The following KLHL21 variants were observed in gnomAD, a reference collection of about 807,000 sequenced individuals.
KLHL21 encodes kelch like family member 21.
In KLHL21, 42 loss-of-function variants were observed where a neutral mutation model predicts 44.1. That is an observed-to-expected ratio of 0.95 (90% CI 0.74 to 1.23). KLHL21 has a LOEUF of 1.23. Among genes scored for constraint, KLHL21 ranks in the 50% most tolerant of loss-of-function variants. KLHL21 has a pLI of 0.00. For missense variants in KLHL21, 918 were observed against 889.1 expected (o/e 1.03, Z -0.41); for synonymous variants, 524 against 411.6 (o/e 1.27, Z -3.31).
At chr1:6,599,649 C>A in intron 1 of KLHL21, 197 bp from the exon 2 acceptor site, 2 of 607,378 alleles carry the variant, frequency 3.3e-6, no homozygotes. Flanking sequence ...CACTGTCCAG[C>A]GAGATGACTG....
rs947025630 is a variant in KLHL21, at chr1:6,601,805, T to C, written c.1013A>G (p.Tyr338Cys). The C allele has an allele frequency of 1.3e-6, 2 of 1,576,616 alleles. No homozygotes were observed. The highest frequency in any genetic ancestry group is 2.4e-5 in the East Asian group (1 of 42,162). The change falls in exon 1 of 4, where the codon TAC (tyrosine) becomes TGC (cysteine). Residue 338 changes from tyrosine to cysteine, a missense_variant. By Grantham distance (194) the Tyr-to-Cys change is radical. Transcript: ENST00000377658. ...YSIVALGNDIYVTGGSDGSRL... is the reference protein window; with the variant it reads ...YSIVALGNDICVTGGSDGSRL... Reference sequence around the variant, plus strand: ...GCCCCTGGCCCACTCACCCGTCACGTAGATGTCATTGCCCAGCGCCACGAT... The same window carrying C: ...GCCCCTGGCCCACTCACCCGTCACGCAGATGTCATTGCCCAGCGCCACGAT...
At chr1:6,599,782 C>CCG in intron 1 of KLHL21, 1 of 289,628 alleles carries the variant, frequency 3.5e-6, no homozygotes, top group Non-Finnish European at 6.5e-6. Context: ...GGCCTTGGGA[C>CCG]AGTTCTCCTG....
Position 6,599,283 on chromosome 1 carries a change from G to A in KLHL21, c.1191C>T (p.His397=), listed in dbSNP as rs1385697274. 6.2e-7 allele frequency: 1 copy of A among 1,614,034 alleles called. No homozygotes were observed. Among genetic ancestry groups the A allele is most frequent in the Non-Finnish European group, 8.5e-7 (1 of 1,180,022 alleles). The change falls in exon 2 of 4, where the codon CAC becomes CAT. Residue 397 remains histidine (H), a synonymous_variant. Coordinates refer to ENST00000377658, the MANE Select transcript of KLHL21 (RefSeq NM_014851.4). The part of the protein sequence containing the change: ...VAADSTERYD[H]TTDSWEALQP... The stretch of plus-strand genomic sequence containing the variant: ...GCAGGGCCTCCCAGGAGTCAGTGGT[G>A]TGGTCATAGCGCTCGGTGCTGTCGG...
intron 1 of KLHL21, 131 bp from the exon 2 acceptor site, chr1:6,599,583 C>A (rs896484721): frequency 2.6e-5 from 25 of 961,428 alleles, no homozygotes; most frequent in Admixed American, 8.6e-5. Context: ...CAGACGCACA[C>A]CCTCTCCCCA....
chr1:6,598,338 G>C (rs539320286), intron 2 of KLHL21, among the ~76,000 whole-genome samples: 32 of 152,322 alleles, frequency 2.1e-4, no homozygotes, highest in African/African-American at 7.2e-4. Flanking sequence ...GGGAGGCTGA[G>C]GCAGCTGGAT....
Position 6,602,661 on chromosome 1 carries a change from C to A in KLHL21, c.157G>T (p.Val53Leu), listed in dbSNP as rs1641052131. The change falls in exon 1 of 4, where the codon GTG (valine) becomes TTG (leucine). Residue 53 changes from valine (V) to leucine (L), a missense_variant. Val to Leu is a conservative substitution (Grantham distance 32). Coordinates refer to ENST00000377658, the MANE Select transcript of KLHL21 (RefSeq NM_014851.4). ...AAGTAGGGGCTGGCGGCGGCCAGCA[C>A]CGCACGGTGCGCCGGGAAGTCGCGC... Reference protein sequence around the residue: ...GGRDFPAHRAVLAAASPYFRA... With the variant: ...GGRDFPAHRALLAAASPYFRA... 2.6e-6 allele frequency: 4 copies of A among 1,512,304 alleles called. No individual in the cohort carries two copies. Among genetic ancestry groups the A allele is most frequent in the Non-Finnish European group, 8.8e-7 (1 of 1,137,970 alleles). 93.7% of individuals were successfully genotyped at this position (1,512,304 alleles called of 1,614,324 possible).
Position 6,601,817 on chromosome 1 carries a change from C to G in KLHL21, c.1001G>C (p.Gly334Ala). The part of the protein sequence containing the change: ...LGGGYSIVAL[G>A]NDIYVTGGSD... ...CTCACCCGTCACGTAGATGTCATTG[C>G]CCAGCGCCACGATGCTGTAGCCTCC... The change falls in exon 1 of 4, where the codon GGC becomes GCC. Residue 334 changes from glycine to alanine, a missense_variant. By Grantham distance (60) the Gly-to-Ala change is moderately conservative. Transcript: ENST00000377658. 1 of 1,582,490 alleles carries G rather than the reference C, an allele frequency of 6.3e-7. No individual in the cohort carries two copies. The highest frequency in any genetic ancestry group is 8.6e-7 in the Non-Finnish European group (1 of 1,164,280).
Position 6,602,085 on chromosome 1 carries a change from C to A in KLHL21, c.733G>T (p.Ala245Ser), listed in dbSNP as rs779185399. 5.5e-5 allele frequency: 82 copies of A among 1,486,334 alleles called. No individual in the cohort carries two copies. Among genetic ancestry groups the A allele is most frequent in the Non-Finnish European group, 7.1e-5 (80 of 1,122,664 alleles). 92.1% of individuals were successfully genotyped at this position (1,486,334 alleles called of 1,614,324 possible). ...LAHVEAEPLVARCPPCLRLLR... is the reference protein window; with the variant it reads ...LAHVEAEPLVSRCPPCLRLLR... ...AGGCGCAGGCAGGGTGGGCAGCGCG[C>A]CACCAGCGGCTCGGCCTCGACGTGC... Residue 245 changes from alanine to serine, a missense_variant, in exon 1 of 4, where the codon GCG becomes TCG. By Grantham distance (99) the Ala-to-Ser change is moderately conservative. Coordinates refer to ENST00000377658, the MANE Select transcript of KLHL21 (RefSeq NM_014851.4).
intron 2 of KLHL21, among the ~76,000 whole-genome samples, chr1:6,596,811 G>A (rs965186238): frequency 6.6e-5 from 10 of 152,218 alleles, no homozygotes; most frequent in African/African-American, 2.4e-4. Context: ...CCCAGCCAAG[G>A]AGGCATTTTG....
chr1:6,595,417 C>G, intron 3 of KLHL21, 68 bp downstream of exon 3: 1 of 1,425,462 alleles, frequency 7.0e-7, no homozygotes, highest in South Asian at 1.2e-5. Context: ...ACACTCATCA[C>G]GATGACACTT....
At position 6,595,589 on chromosome 1, in the gene KLHL21, CAG is replaced by C. The variant is rs1456044585; in HGVS notation, c.1428-34_1428-33del. On this transcript the variant is annotated intron_variant, in intron 2 of 3. Coordinates refer to ENST00000377658, the MANE Select transcript of KLHL21 (RefSeq NM_014851.4). The stretch of plus-strand genomic sequence containing the variant: ...AGGGGGCAGCAGGAGGACAACTGCT[CAG>C]AGCGAGGAGGAAGTGCACACATGCA... 6 of 1,590,978 alleles carry C rather than the reference CAG, an allele frequency of 3.8e-6. No individual in the cohort carries two copies. The South Asian group carries it at 6.7e-5, about 18-fold the overall frequency.
rs1640861642 is a variant in KLHL21, at chr1:6,592,314, C to G, written c.*1051G>C. ...AAGGAGGCAAGGACAAAAACTCAAGCCAAGGCTACTTTGGGTACTTTGAGG... is the reference window on the plus strand; with the variant it reads ...AAGGAGGCAAGGACAAAAACTCAAGGCAAGGCTACTTTGGGTACTTTGAGG... On this transcript the variant is annotated 3_prime_UTR_variant, in exon 4 of 4. Coordinates refer to ENST00000377658, the MANE Select transcript of KLHL21 (RefSeq NM_014851.4). 2 of 152,210 alleles carry G rather than the reference C, an allele frequency of 1.3e-5. No individual in the cohort carries two copies. Among genetic ancestry groups the G allele is most frequent in the African/African-American group, 4.8e-5 (2 of 41,448 alleles). 9.4% of individuals were successfully genotyped at this position (152,210 alleles called of 1,614,324 possible). A position where few individuals can be genotyped will look rare whatever the true frequency, so the allele number is the denominator to read the frequency against.
rs1640847939 is a variant in KLHL21, at chr1:6,591,366, C to T, written c.*1999G>A. On this transcript the variant is annotated 3_prime_UTR_variant, in exon 4 of 4. Transcript: ENST00000377658. ...TGGCCGACACAAGCCTGGAGTACGGCAGCTGCCAACCACAGCAAAGCCGCA... is the reference window on the plus strand; with the variant it reads ...TGGCCGACACAAGCCTGGAGTACGGTAGCTGCCAACCACAGCAAAGCCGCA... 4.5e-6 allele frequency: 1 copy of T among 220,108 alleles called. No homozygotes were observed. Among genetic ancestry groups the T allele is most frequent in the South Asian group, 1.9e-4 (1 of 5,360 alleles). The allele number at this position is 220,108 out of a possible 1,614,324, so 13.6% of individuals were successfully genotyped here. A position where few individuals can be genotyped will look rare whatever the true frequency, so the allele number is the denominator to read the frequency against.
At position 6,602,422 on chromosome 1, in the gene KLHL21, C is replaced by T. The variant is rs1384284897; in HGVS notation, c.396G>A (p.Gln132=). 1.3e-5 allele frequency: 20 copies of T among 1,595,758 alleles called. No homozygotes were observed. The highest frequency in any genetic ancestry group is 1.7e-5 in the Non-Finnish European group (20 of 1,175,448). Residue 132 remains glutamine, a synonymous_variant, in exon 1 of 4, where the codon CAG becomes CAA. Transcript: ENST00000377658. ...TGTCCAGGCAGTTGGCCAGGTCGAG[C>T]TGCTGCTGCAGGAAGGCCCCGCACG... The part of the protein sequence containing the change: ...KEACGAFLQQ[Q]LDLANCLDMQ...
chr1:6,599,013 A>G (rs1373829486), intron 2 of KLHL21, 34 bp downstream of exon 2: 1 of 1,537,218 alleles, frequency 6.5e-7, no homozygotes, highest in Non-Finnish European at 8.8e-7. Flanking sequence ...AAGAGACACC[A>G]AACACACAGT....
At chr1:6,597,517 T>G in intron 2 of KLHL21, among the ~76,000 whole-genome samples, 1 of 152,238 alleles carries the variant, frequency 6.6e-6, no homozygotes, top group Admixed American at 6.5e-5. Context: ...CAGAGCTGGC[T>G]GAGATTCCAG....
rs1641039337 is a variant in KLHL21 at position 6,602,368 on chromosome 1, G to A, written c.450C>T (p.Cys150=). The change falls in exon 1 of 4, where the codon TGC becomes TGT. Residue 150 remains cysteine (C), a synonymous_variant. Transcript: ENST00000377658. ...GCTGCGCCGCGCTCGCCAGTCCCGA[G>A]CAGCTGAAGGCCTCAGCGAAGTCCT... ...DMQDFAEAFS[C]SGLASAAQRF... The A allele has an allele frequency of 6.3e-7, 1 of 1,582,196 alleles. No homozygotes were observed. The highest frequency in any genetic ancestry group is 8.6e-7 in the Non-Finnish European group (1 of 1,168,602).
rs7513688 is a variant in KLHL21 at position 6,592,685 on chromosome 1, G to A, written c.*680C>T. ...GAAGGAGAGGGTGAGAGGTGAGGACGCAAGAGCCAGTCAGGGGGTAGGAGC... is the reference window on the plus strand; with the variant it reads ...GAAGGAGAGGGTGAGAGGTGAGGACACAAGAGCCAGTCAGGGGGTAGGAGC... On this transcript the variant is annotated 3_prime_UTR_variant, in exon 4 of 4. Transcript: ENST00000377658. 0.32 allele frequency: 48,324 copies of A among 152,400 alleles called. 7,839 individuals are homozygous for A. The highest frequency in any genetic ancestry group is 0.36 in the Non-Finnish European group (24,399 of 68,220). The allele number at this position is 152,400 out of a possible 1,614,324, so 9.4% of individuals were successfully genotyped here.
intron 2 of KLHL21, among the ~76,000 whole-genome samples, chr1:6,598,751 T>C (rs956344781): frequency 7.9e-5 from 12 of 151,590 alleles, no homozygotes; most frequent in Middle Eastern, 3.4e-3. Flanking sequence ...GGCATGGTGG[T>C]GGGCGCCTGT....
Sources: allele counts gnomAD v4.1 joint callset (sites outside exome capture counted in the v4.1 genomes callset), GRCh38; gene constraint gnomAD v4.1.1; transcripts MANE v1.5; gene names NCBI Gene and HGNC (gene_info 2026-07-23, HGNC 2026-07-21).